TCF15: variants seen among roughly 807,000 people sequenced by gnomAD.
TCF15 encodes transcription factor 15, also known as TCF-15.
In TCF15, 7 loss-of-function variants were observed where a neutral mutation model predicts 11.1. The ratio of observed to expected loss-of-function variants is 0.63; its 90% CI spans 0.36 to 1.19. The LOEUF (loss-of-function observed/expected upper bound fraction) is 1.19. Ranked by LOEUF, TCF15 falls within the 50% of genes most tolerant of loss-of-function variation. TCF15 has a pLI of 0.02. For missense variants in TCF15, 288 were observed against 289.4 expected (o/e 1.00, Z 0.03); for synonymous variants, 144 against 138.9 (o/e 1.04, Z -0.26).
Position 604,635 on chromosome 20 carries a change from A to C in TCF15, c.556T>G (p.Leu186Val), listed in dbSNP as rs2019957431. The C allele has an allele frequency of 1.9e-6, 3 of 1,554,396 alleles. No homozygotes were observed. The East Asian group carries it at 7.3e-5, about 38-fold the overall frequency. ...AGGGGGGCCACCCCCCTCACCTTCA[A>C]GCAGCTGCCCCCCAGGTCACGACGG... The part of the protein sequence containing the change: ...GGRRDLGGSC[L>V]KVRGVAPLRG... Residue 186 changes from leucine to valine, a missense_variant, in exon 2 of 2, where the codon TTG (leucine) becomes GTG (valine). Coordinates refer to ENST00000246080, the MANE Select transcript of TCF15 (RefSeq NM_004609.4). The surrounding 1 kb of genome is among the most constrained non-coding windows in gnomAD (Gnocchi z 4.2).
At position 610,048 on chromosome 20, in the gene TCF15, C is replaced by G. The variant is rs758317029; in HGVS notation, c.190G>C (p.Gly64Arg). ...GGGRRAGGGGGAGPVVVVRQR... is the reference protein window; with the variant it reads ...GGGRRAGGGGRAGPVVVVRQR... Reference sequence around the variant, plus strand: ...CGCACCACCACCACGGGGCCCGCGCCGCCGCCGCCGCCCGCCCGCCGCCCG... The same window carrying G: ...CGCACCACCACCACGGGGCCCGCGCGGCCGCCGCCGCCCGCCCGCCGCCCG... The change falls in exon 1 of 2, where the codon GGC becomes CGC. Residue 64 changes from glycine (G) to arginine (R), a missense_variant. Physicochemically the swap from Gly to Arg is moderately radical, Grantham distance 125. Coordinates refer to ENST00000246080, the MANE Select transcript of TCF15 (RefSeq NM_004609.4). The G allele has an allele frequency of 8.8e-7, 1 of 1,133,188 alleles. No individual in the cohort carries two copies. The highest frequency in any genetic ancestry group is 1.7e-5 in the African/African-American group (1 of 60,530). The allele number at this position is 1,133,188 out of a possible 1,614,324, so 70.2% of individuals were successfully genotyped here.
intron 1 of TCF15, among the ~76,000 whole-genome samples, chr20:607,912 C>T (rs564502078): frequency 3.3e-5 from 5 of 152,294 alleles, no homozygotes; most frequent in Non-Finnish European, 5.9e-5. Flanking sequence ...TCATAAAGAG[C>T]GCTTAGCACA....
rs1039637147 is a variant in TCF15 at position 609,687 on chromosome 20, C to T, written c.525+26G>A. The T allele has an allele frequency of 6.7e-6, 9 of 1,337,044 alleles. No individual in the cohort carries two copies. The highest frequency in any genetic ancestry group is 8.6e-6 in the Non-Finnish European group (9 of 1,052,068). The allele number at this position is 1,337,044 out of a possible 1,614,324, so 82.8% of individuals were successfully genotyped here. A position where few individuals can be genotyped will look rare whatever the true frequency, so the allele number is the denominator to read the frequency against. ...CCCCCGCCTACCCCGACCTGGCGGC[C>T]GCAGCGAGGGACGCAGCACACTCAC... is the stretch of plus-strand genomic sequence containing the variant. On this transcript the variant is annotated intron_variant, in intron 1 of 1. Transcript: ENST00000246080. The surrounding 1 kb of genome is among the most constrained non-coding windows in gnomAD (Gnocchi z 4.7).
rs1467192433 is a variant in TCF15 at position 609,054 on chromosome 20, G to T, written c.525+659C>A. 6.6e-6 allele frequency among the ~76,000 whole-genome samples: 1 copy of T among 152,018 alleles called. No individual in the cohort carries two copies. The highest frequency in any genetic ancestry group is 2.4e-5 in the African/African-American group (1 of 41,384). ...CCAACACCACGTCCTTTTGGGGGCTGGGGACTCTCAGAGGGCCCCTTCTTC... is the reference window on the plus strand; with the variant it reads ...CCAACACCACGTCCTTTTGGGGGCTTGGGACTCTCAGAGGGCCCCTTCTTC... On this transcript the variant is annotated intron_variant, in intron 1 of 1. Transcript: ENST00000246080. The surrounding 1 kb of genome is among the most constrained non-coding windows in gnomAD (Gnocchi z 4.7).
intron 1 of TCF15, among the ~76,000 whole-genome samples, chr20:606,518 T>C (rs11905901): frequency 6.6e-6 from 1 of 152,126 alleles, no homozygotes. Flanking sequence ...TAAGTGTACT[T>C]AGAAGAGGTC....
rs1222136605 is a variant in TCF15 at position 604,294 on chromosome 20, TTC to T, written c.*295_*296del. On this transcript the variant is annotated 3_prime_UTR_variant, in exon 2 of 2. Coordinates refer to ENST00000246080, the MANE Select transcript of TCF15 (RefSeq NM_004609.4). The surrounding 1 kb of genome is among the most constrained non-coding windows in gnomAD (Gnocchi z 4.2). ...ATAGCTTTTATTTTAAACTCACCAA[TTC>T]TCTCTCACACACACTCACACTCACG... 3 of 485,930 alleles carry T rather than the reference TTC, an allele frequency of 6.2e-6. No homozygotes were observed. Among genetic ancestry groups the T allele is most frequent in the Non-Finnish European group, 7.4e-6 (2 of 269,518 alleles). The allele number at this position is 485,930 out of a possible 1,614,324, so 30.1% of individuals were successfully genotyped here. A position where few individuals can be genotyped will look rare whatever the true frequency, so the allele number is the denominator to read the frequency against.
chr20:608,760 G>A (rs1311059584), intron 1 of TCF15, among the ~76,000 whole-genome samples: 1 of 152,148 alleles, frequency 6.6e-6, no homozygotes, highest in African/African-American at 2.4e-5. Context: ...TACTCTCTCA[G>A]CCTCAGTTTC....
chr20:605,339 G>A (rs1213802473), intron 1 of TCF15, among the ~76,000 whole-genome samples: 8 of 152,238 alleles, frequency 5.3e-5, no homozygotes. Flanking sequence ...ACCTTTAAAA[G>A]GGGACTCGGT....
At position 610,292 on chromosome 20, in the gene TCF15, C is replaced by G. The variant is rs906372028; in HGVS notation, c.-55G>C. 4.1e-5 allele frequency: 40 copies of G among 986,318 alleles called. No individual in the cohort carries two copies. Among genetic ancestry groups the G allele is most frequent in the South Asian group, 1.8e-4 (4 of 21,976 alleles). 61.1% of individuals were successfully genotyped at this position (986,318 alleles called of 1,614,324 possible). A position where few individuals can be genotyped will look rare whatever the true frequency, so the allele number is the denominator to read the frequency against. The stretch of plus-strand genomic sequence containing the variant: ...CGTCCCAGCGTCGGCCGCGCCCCGC[C>G]GTGCGCTCCCGCGCGCTCCCACGGC... On this transcript the variant is annotated 5_prime_UTR_variant, in exon 1 of 2. Coordinates refer to ENST00000246080, the MANE Select transcript of TCF15 (RefSeq NM_004609.4).
chr20:609,882 C>G lies in TCF15; in HGVS notation c.356G>C (p.Ser119Thr). 6 of 1,527,732 alleles carry G rather than the reference C, an allele frequency of 3.9e-6. No homozygotes were observed. The highest frequency in any genetic ancestry group is 5.2e-6 in the Non-Finnish European group (6 of 1,148,036). 94.6% of individuals were successfully genotyped at this position (1,527,732 alleles called of 1,614,324 possible). ...CACGTTGGCCAGGTGCGCGATGTAG[C>G]TGGACGCCAGGCGCACGGTCTCGAT... ...SKIETVRLASSYIAHLANVLL... is the reference protein window; with the variant it reads ...SKIETVRLASTYIAHLANVLL... Residue 119 changes from serine (S) to threonine (T), a missense_variant, in exon 1 of 2, where the codon AGC (serine) becomes ACC (threonine). Ser to Thr is a moderately conservative substitution (Grantham distance 58). Coordinates refer to ENST00000246080, the MANE Select transcript of TCF15 (RefSeq NM_004609.4). This position sits in a 1 kb window ranked among gnomAD's most constrained non-coding sequence, Gnocchi z 4.7.
rs2020014691 is a variant in TCF15 at position 610,269 on chromosome 20, T to TCCCAGCGTCGGCCGCGC, written c.-49_-33dup. 1.0e-5 allele frequency: 10 copies of TCCCAGCGTCGGCCGCGC among 987,818 alleles called. No homozygotes were observed. The South Asian group carries it at 1.8e-4, about 18-fold the overall frequency. The allele number at this position is 987,818 out of a possible 1,614,324, so 61.2% of individuals were successfully genotyped here. A position where few individuals can be genotyped will look rare whatever the true frequency, so the allele number is the denominator to read the frequency against. ...CGGCCGCGTCCCTCCGTGCGCCGCG[T>TCCCAGCGTCGGCCGCGC]CCCAGCGTCGGCCGCGCCCCGCCGT... On this transcript the variant is annotated 5_prime_UTR_variant, in exon 1 of 2. Transcript: ENST00000246080.
Position 610,065 on chromosome 20 carries a change from C to T in TCF15, c.173G>A (p.Arg58Gln), listed in dbSNP as rs1222356610. 3 of 1,028,928 alleles carry T rather than the reference C, an allele frequency of 2.9e-6. No homozygotes were observed. The highest frequency in any genetic ancestry group is 3.5e-6 in the Non-Finnish European group (3 of 859,962). The allele number at this position is 1,028,928 out of a possible 1,614,324, so 63.7% of individuals were successfully genotyped here. ...GCCCGCGCCGCCGCCGCCGCCCGCC[C>T]GCCGCCCGCCCCCGGGGCCCGGGCC... is the stretch of plus-strand genomic sequence containing the variant. ...RRGPGPGGGRRAGGGGGAGPV... is the reference protein window; with the variant it reads ...RRGPGPGGGRQAGGGGGAGPV... The change falls in exon 1 of 2, where the codon CGG becomes CAG. Residue 58 changes from arginine to glutamine, a missense_variant. Arg to Gln is a conservative substitution (Grantham distance 43). Coordinates refer to ENST00000246080, the MANE Select transcript of TCF15 (RefSeq NM_004609.4).
chr20:604,748 G>A lies in TCF15; in HGVS notation c.526-83C>T. ...ACTAACCTCTGTATCCCTCAAGAGG[G>A]ATCCTGATCAATAAATCACAGTTCA... On this transcript the variant is annotated intron_variant, in intron 1 of 1. Transcript: ENST00000246080. This position sits in a 1 kb window ranked among gnomAD's most constrained non-coding sequence, Gnocchi z 4.2. 2.8e-6 allele frequency: 3 copies of A among 1,076,508 alleles called. No homozygotes were observed. Among genetic ancestry groups the A allele is most frequent in the East Asian group, 2.6e-5 (1 of 37,830 alleles). The allele number at this position is 1,076,508 out of a possible 1,614,324, so 66.7% of individuals were successfully genotyped here.
At position 609,784 on chromosome 20, in the gene TCF15, G is replaced by A. The variant is rs1429137219; in HGVS notation, c.454C>T (p.Pro152Ser). ...TGGCGGCCGCCGTCGGCGGCGGCGG[G>A]GACGGCGCCCTTGGCACTGCCCGCG... ...RAAGSAKGAV[P>S]AAADGGRQPR... Residue 152 changes from proline (P) to serine (S), a missense_variant, in exon 1 of 2, where the codon CCC (proline) becomes TCC (serine). Physicochemically the swap from Pro to Ser is moderately conservative, Grantham distance 74. Transcript: ENST00000246080. The surrounding 1 kb of genome is among the most constrained non-coding windows in gnomAD (Gnocchi z 4.7). The A allele has an allele frequency of 4.9e-6, 7 of 1,426,436 alleles. No homozygotes were observed. Among genetic ancestry groups the A allele is most frequent in the African/African-American group, 4.5e-5 (3 of 67,202 alleles). The allele number at this position is 1,426,436 out of a possible 1,614,324, so 88.4% of individuals were successfully genotyped here. A position where few individuals can be genotyped will look rare whatever the true frequency, so the allele number is the denominator to read the frequency against.
rs1387506617 is a variant in TCF15, at chr20:609,768, CCGTCGGCGG to C, written c.461_469del (p.Ala154_Asp156del). The C allele has an allele frequency of 2.1e-6, 3 of 1,407,588 alleles. No homozygotes were observed. The highest frequency in any genetic ancestry group is 2.7e-6 in the Non-Finnish European group (3 of 1,093,836). The allele number at this position is 1,407,588 out of a possible 1,614,324, so 87.2% of individuals were successfully genotyped here. On this transcript the variant is annotated inframe_deletion, in exon 1 of 2. Coordinates refer to ENST00000246080, the MANE Select transcript of TCF15 (RefSeq NM_004609.4). This position sits in a 1 kb window ranked among gnomAD's most constrained non-coding sequence, Gnocchi z 4.7. ...GCAGATGGAGCGCGGCTGGCGGCCG[CCGTCGGCGG>C]CGGCGGGGACGGCGCCCTTGGCACT...
rs1305733531 is a variant in TCF15, at chr20:604,961, T to C, written c.526-296A>G. On this transcript the variant is annotated intron_variant, in intron 1 of 1. Coordinates refer to ENST00000246080, the MANE Select transcript of TCF15 (RefSeq NM_004609.4). The surrounding 1 kb of genome is among the most constrained non-coding windows in gnomAD (Gnocchi z 4.2). ...TGGGTTTCTTCAGAGAGGAATTTGA[T>C]GATGGAGAGAGGATGGGAGGGAGGC... 2.6e-5 allele frequency among the ~76,000 whole-genome samples: 4 copies of C among 152,166 alleles called. No homozygotes were observed. In the South Asian group the frequency reaches 6.2e-4, roughly 24 times the overall value.
chr20:607,671 A>T (rs2019987916), intron 1 of TCF15, among the ~76,000 whole-genome samples: 1 of 152,244 alleles, frequency 6.6e-6, no homozygotes, highest in Admixed American at 6.5e-5. Context: ...GCTGTGGGAC[A>T]GGCCTGAGAC....
intron 1 of TCF15, among the ~76,000 whole-genome samples, chr20:605,520 G>A (rs1021883208): frequency 2.6e-5 from 4 of 152,214 alleles, no homozygotes; most frequent in Non-Finnish European, 5.9e-5. Flanking sequence ...TCTCTCCTTT[G>A]TCTCCCCATC....
rs1249598824 is a variant in TCF15 at position 609,540 on chromosome 20, G to A, written c.525+173C>T. Among the ~76,000 whole-genome samples, 3 of 152,048 alleles carry A rather than the reference G, an allele frequency of 2.0e-5. No homozygotes were observed. The highest frequency in any genetic ancestry group is 4.4e-5 in the Non-Finnish European group (3 of 68,024). ...GTTTTCCCGCATCCTTCTGTTTGGGGGCCTGGGCATTAAGTCAGTGGTTCT... is the reference window on the plus strand; with the variant it reads ...GTTTTCCCGCATCCTTCTGTTTGGGAGCCTGGGCATTAAGTCAGTGGTTCT... On this transcript the variant is annotated intron_variant, in intron 1 of 1. Transcript: ENST00000246080. The surrounding 1 kb of genome is among the most constrained non-coding windows in gnomAD (Gnocchi z 4.7).
Sources: gnomAD v4.1 joint callset for allele counts (sites outside exome capture counted in the v4.1 genomes callset) on GRCh38, gnomAD v4.1.1 for gene constraint, Gnocchi (gnomAD v3.1) non-coding constraint, MANE v1.5 for transcripts, NCBI Gene and HGNC (gene_info 2026-07-23, HGNC 2026-07-21) for gene names.